Variants in ARHGAP15 observed in about 807,000 individuals in gnomAD.
The protein encoded by ARHGAP15 is rho GTPase-activating protein 15.
A neutral mutation model predicts 63.7 loss-of-function variants in ARHGAP15; 51 were observed. The ratio of observed to expected loss-of-function variants is 0.80; its 90% confidence interval spans 0.64 to 1.01. ARHGAP15 has a LOEUF of 1.01. Among genes scored for constraint, ARHGAP15 ranks in the 50% least tolerant of loss-of-function variants. The pLI is 0.00. For synonymous variants in ARHGAP15, 191 were observed against 193.8 expected, an observed-to-expected ratio of 0.99 and a Z score of 0.12; for missense variants, 560 against 564.6, an observed-to-expected ratio of 0.99 and a Z score of 0.08.
chr2:143,245,020 A>C (rs1349465968), intron 5 of ARHGAP15, among the ~76,000 whole-genome samples: 1 of 152,232 alleles, frequency 6.6e-6, no homozygotes, highest in Non-Finnish European at 1.5e-5. Flanking sequence ...TAGGAGAAGA[A>C]GATAATGATT....
intron 11 of ARHGAP15, among the ~76,000 whole-genome samples, chr2:143,591,859 A>G (rs1697334775): frequency 6.6e-6 from 1 of 151,990 alleles, no homozygotes; most frequent in African/African-American, 2.4e-5. Flanking sequence ...ACCTCAGGTG[A>G]TCCGCCTGCC....
chr2:143,202,486 G>A (rs1218692742), intron 3 of ARHGAP15, among the ~76,000 whole-genome samples: 1 of 152,042 alleles, frequency 6.6e-6, no homozygotes, highest in Admixed American at 6.6e-5. Context: ...GTTGGCCAAA[G>A]GCTGCCCTTA....
At chr2:143,583,490 A>T (rs1248502729) in intron 11 of ARHGAP15, among the ~76,000 whole-genome samples, 1 of 151,926 alleles carries the variant, frequency 6.6e-6, no homozygotes, top group Admixed American at 6.6e-5. Flanking sequence ...AAGTTGAGTT[A>T]CTCATGATGG....
At chr2:143,207,453 C>T (rs1278804904) in intron 3 of ARHGAP15, among the ~76,000 whole-genome samples, 2 of 150,192 alleles carry the variant, frequency 1.3e-5, no homozygotes, top group Admixed American at 1.3e-4. Context: ...TTCTCTTTTT[C>T]CTTCCTTCTC....
At chr2:143,346,767 A>AT (rs921696156) in intron 6 of ARHGAP15, among the ~76,000 whole-genome samples, 8 of 151,992 alleles carry the variant, frequency 5.3e-5, no homozygotes, top group African/African-American at 1.9e-4. Context: ...ATTGGTATTC[A>AT]TTTTTTTGAT....
intron 6 of ARHGAP15, among the ~76,000 whole-genome samples, chr2:143,271,075 T>G (rs1377928703): frequency 6.6e-6 from 1 of 152,240 alleles, no homozygotes. Context: ...GTCTTTCTTC[T>G]GTATTAGAAA....
intron 6 of ARHGAP15, among the ~76,000 whole-genome samples, chr2:143,275,531 C>T (rs1207481263): frequency 6.6e-6 from 1 of 152,152 alleles, no homozygotes. Context: ...TGAATTCATT[C>T]CTCCACCTGG....
chr2:143,565,101 G>C (rs1014728620), intron 11 of ARHGAP15, among the ~76,000 whole-genome samples: 1 of 151,944 alleles, frequency 6.6e-6, no homozygotes, highest in Non-Finnish European at 1.5e-5. Flanking sequence ...ATAACTCTTA[G>C]GCCACAAAAT....
chr2:143,140,025 T>C (rs1186725061), intron 1 of ARHGAP15, among the ~76,000 whole-genome samples: 3 of 152,142 alleles, frequency 2.0e-5, no homozygotes, highest in Non-Finnish European at 4.4e-5. Context: ...TTTAAAAAGG[T>C]TAAACGCGGT....
At chr2:143,658,168 G>A (rs1433190438) in intron 12 of ARHGAP15, among the ~76,000 whole-genome samples, 1 of 152,144 alleles carries the variant, frequency 6.6e-6, no homozygotes, top group African/African-American at 2.4e-5. Flanking sequence ...TAAAATGATG[G>A]TTGCAATTAT....
At chr2:143,404,559 T>C (rs1332412341) in intron 6 of ARHGAP15, among the ~76,000 whole-genome samples, 4 of 151,942 alleles carry the variant, frequency 2.6e-5, no homozygotes, top group African/African-American at 9.7e-5. Context: ...ACTGCATGTG[T>C]GGGTTTCCTT....
intron 6 of ARHGAP15, among the ~76,000 whole-genome samples, chr2:143,328,741 T>G (rs887713829): frequency 6.6e-6 from 1 of 151,282 alleles, no homozygotes. Flanking sequence ...AATAAAAAAA[T>G]AGGATGAATA....
At chr2:143,571,212 T>C (rs1420383087) in intron 11 of ARHGAP15, among the ~76,000 whole-genome samples, 1 of 152,176 alleles carries the variant, frequency 6.6e-6, no homozygotes, top group African/African-American at 2.4e-5. Context: ...TTCTACATTA[T>C]GGTGAGCATG....
chr2:143,452,310 C>G (rs900108843), intron 8 of ARHGAP15, among the ~76,000 whole-genome samples: 1 of 151,978 alleles, frequency 6.6e-6, no homozygotes, highest in Non-Finnish European at 1.5e-5. Flanking sequence ...TAGGTAGGAT[C>G]TGCTTATTGT....
chr2:143,257,906 T>A (rs895979781), intron 6 of ARHGAP15, among the ~76,000 whole-genome samples: 2 of 152,164 alleles, frequency 1.3e-5, no homozygotes, highest in Non-Finnish European at 2.9e-5. Flanking sequence ...AATATATTGA[T>A]GCTAGCAAGA....
At chr2:143,210,258 T>C (rs1157451012) in intron 3 of ARHGAP15, among the ~76,000 whole-genome samples, 1 of 152,036 alleles carries the variant, frequency 6.6e-6, no homozygotes, top group Non-Finnish European at 1.5e-5. Flanking sequence ...TCCAGAAGAC[T>C]GAAGAAATTT....
intron 6 of ARHGAP15, among the ~76,000 whole-genome samples, chr2:143,298,693 TCTC>T (rs1469549237): frequency 2.0e-5 from 3 of 151,926 alleles, no homozygotes; most frequent in Non-Finnish European, 4.4e-5. Flanking sequence ...ATGGTTTTAA[TCTC>T]CTCACATATA....
chr2:143,202,289 T>A (rs1692151806), intron 3 of ARHGAP15, 87 bp downstream of exon 3: 1 of 1,103,546 alleles, frequency 9.1e-7, no homozygotes, highest in African/African-American at 1.5e-5. Context: ...CTTAAGTTAT[T>A]ATCTCATTTT....
At chr2:143,404,808 G>A (rs1344576898) in intron 6 of ARHGAP15, among the ~76,000 whole-genome samples, 1 of 151,902 alleles carries the variant, frequency 6.6e-6, no homozygotes, top group Non-Finnish European at 1.5e-5. Context: ...ATTGCATTGA[G>A]TTTATAAAAT....
Sources: allele counts gnomAD v4.1 joint callset (sites outside exome capture counted in the v4.1 genomes callset), GRCh38; gene constraint gnomAD v4.1.1; transcripts MANE v1.5; gene names NCBI Gene and HGNC (gene_info 2026-07-23, HGNC 2026-07-21).